The following ERC1 variants were observed in gnomAD, a reference collection of about 807,000 sequenced individuals.
ERC1 encodes RAB6 interacting protein 2.
In ERC1, 56 loss-of-function variants were observed where a neutral mutation model predicts 132.0. The observed-to-expected ratio is 0.42, with a 90% confidence interval of 0.34 to 0.53. ERC1 has a LOEUF of 0.53. Ranked by LOEUF, ERC1 falls within the 20% of genes least tolerant of loss-of-function variation. The pLI is 0.03. For synonymous variants in ERC1, 478 were observed against 476.1 expected, an observed-to-expected ratio of 1.00 and a Z score of -0.05; for missense variants, 1,202 against 1,349.9, an observed-to-expected ratio of 0.89 and a Z score of 1.72.
intron 1 of ERC1, among the ~76,000 whole-genome samples, chr12:998,121 C>T (rs1446223092): frequency 2.0e-5 from 3 of 152,166 alleles, no homozygotes; most frequent in African/African-American, 7.2e-5. Flanking sequence ...ATTTCTTCAC[C>T]TGTGACTTCT....
intron 8 of ERC1, among the ~76,000 whole-genome samples, chr12:1,145,201 G>C (rs1218315237): frequency 6.6e-6 from 1 of 151,970 alleles, no homozygotes; most frequent in Non-Finnish European, 1.5e-5. Flanking sequence ...ATTTTTAGTC[G>C]AGACGGGGTT....
At chr12:1,250,751 G>A (rs2076421981) in intron 13 of ERC1, among the ~76,000 whole-genome samples, 1 of 152,184 alleles carries the variant, frequency 6.6e-6, no homozygotes, top group Non-Finnish European at 1.5e-5. Context: ...AAGGCTGTAA[G>A]TTTTAGTCAC....
intron 18 of ERC1, among the ~76,000 whole-genome samples, chr12:1,449,461 C>T (rs181680082): frequency 2.4e-4 from 37 of 152,254 alleles, no homozygotes; most frequent in Admixed American, 4.6e-4. Flanking sequence ...TTGTTACCCA[C>T]CATGCTGTTC....
At chr12:1,076,489 G>A (rs867002682) in intron 2 of ERC1, among the ~76,000 whole-genome samples, 9 of 149,740 alleles carry the variant, frequency 6.0e-5, no homozygotes, top group Non-Finnish European at 1.2e-4. Flanking sequence ...CTGCCTCCCC[G>A]GTTCTAGCAA....
intron 18 of ERC1, among the ~76,000 whole-genome samples, chr12:1,450,797 G>T (rs551118152): frequency 6.6e-6 from 1 of 152,100 alleles, no homozygotes; most frequent in Non-Finnish European, 1.5e-5. Flanking sequence ...TCCATATCCC[G>T]GCCAACACTT....
chr12:1,265,308 A>G (rs990504262), intron 14 of ERC1, among the ~76,000 whole-genome samples: 13 of 150,984 alleles, frequency 8.6e-5, no homozygotes, highest in African/African-American at 3.2e-4. Context: ...GATTTTGGCA[A>G]TTAATAATCA....
At chr12:1,037,491 T>C (rs967297683) in intron 2 of ERC1, among the ~76,000 whole-genome samples, 1 of 152,198 alleles carries the variant, frequency 6.6e-6, no homozygotes, top group Non-Finnish European at 1.5e-5. Context: ...CCATCTGTTA[T>C]GAGTGCACTG....
chr12:1,489,722 T>C (rs1277003810), intron 18 of ERC1, among the ~76,000 whole-genome samples: 1 of 152,194 alleles, frequency 6.6e-6, no homozygotes, highest in Non-Finnish European at 1.5e-5. Context: ...TAAGTTCCCT[T>C]AGGGCGAGGG....
At chr12:1,441,967 G>A (rs866430195) in intron 17 of ERC1, among the ~76,000 whole-genome samples, 5 of 152,242 alleles carry the variant, frequency 3.3e-5, no homozygotes, top group East Asian at 3.9e-4. Context: ...TCACTCTGTC[G>A]CCCTGGCTGG....
Position 996,441 on chromosome 12 carries a change from G to A in ERC1, c.-157+5119G>A, listed in dbSNP as rs192835049. ...GATTTTTAAGAAATATTTCAGCCAG[G>A]CACAGTGTCACATGCCTGTAGTTCC... On this transcript the variant is annotated intron_variant, in intron 1 of 18. Coordinates refer to ENST00000360905, the MANE Select transcript of ERC1 (RefSeq NM_178040.4). 2.7e-3 allele frequency among the ~76,000 whole-genome samples: 413 copies of A among 151,790 alleles called. 1 individual carries two copies. The highest frequency in any genetic ancestry group is 9.5e-3 in the African/African-American group (394 of 41,402).
intron 18 of ERC1, among the ~76,000 whole-genome samples, chr12:1,466,914 A>G (rs2093754618): frequency 6.6e-6 from 1 of 152,198 alleles, no homozygotes; most frequent in South Asian, 2.1e-4. Flanking sequence ...ACCTCTTTTT[A>G]TACAAAAGAC....
chr12:1,434,882 A>G (rs889556444), intron 17 of ERC1, among the ~76,000 whole-genome samples: 1 of 152,174 alleles, frequency 6.6e-6, no homozygotes, highest in African/African-American at 2.4e-5. Flanking sequence ...AGCGTCCACA[A>G]CTATGAATAT....
intron 15 of ERC1, among the ~76,000 whole-genome samples, chr12:1,338,484 C>T (rs1368403341): frequency 6.6e-6 from 1 of 152,168 alleles, no homozygotes; most frequent in African/African-American, 2.4e-5. Context: ...TCAGCATACT[C>T]CTGCATCTCA....
chr12:1,397,306 GA>G (rs1324185440), intron 16 of ERC1, among the ~76,000 whole-genome samples: 1 of 152,312 alleles, frequency 6.6e-6, no homozygotes, highest in South Asian at 2.1e-4. Context: ...TTTACTTCTA[GA>G]AATTGGTCCC....
At chr12:1,450,050 T>G (rs2093391656) in intron 18 of ERC1, among the ~76,000 whole-genome samples, 1 of 152,192 alleles carries the variant, frequency 6.6e-6, no homozygotes, top group African/African-American at 2.4e-5. Context: ...TCTATTTCCT[T>G]TGTCTCAAAC....
At chr12:1,418,661 C>T (rs1283264994) in intron 17 of ERC1, among the ~76,000 whole-genome samples, 19 of 100,706 alleles carry the variant, frequency 1.9e-4, no homozygotes, top group African/African-American at 9.6e-4. Flanking sequence ...CTCTCTCTCT[C>T]TTTCTTTTCT....
At chr12:1,160,237 G>T (rs184619462) in intron 8 of ERC1, among the ~76,000 whole-genome samples, 1 of 152,240 alleles carries the variant, frequency 6.6e-6, no homozygotes, top group Non-Finnish European at 1.5e-5. Flanking sequence ...ACAATAAAAT[G>T]TTGAACAAGC....
Position 1,492,513 on chromosome 12 carries a change from C to G in ERC1, c.*2283C>G, listed in dbSNP as rs1323051782. 4 of 233,174 alleles carry G rather than the reference C, an allele frequency of 1.7e-5. No homozygotes were observed. Among genetic ancestry groups the G allele is most frequent in the Non-Finnish European group, 2.5e-5 (3 of 118,070 alleles). The allele number at this position is 233,174 out of a possible 1,614,324, so 14.4% of individuals were successfully genotyped here. A position where few individuals can be genotyped will look rare whatever the true frequency, so the allele number is the denominator to read the frequency against. ...CCCAGATCCCACCCACGTGGACTTTCTCATCAGGTGCAGCGCCTGCCACTC... is the reference window on the plus strand; with the variant it reads ...CCCAGATCCCACCCACGTGGACTTTGTCATCAGGTGCAGCGCCTGCCACTC... On this transcript the variant is annotated 3_prime_UTR_variant, in exon 19 of 19. Coordinates refer to ENST00000360905, the MANE Select transcript of ERC1 (RefSeq NM_178040.4).
At chr12:1,000,241 T>G (rs1365333866) in intron 1 of ERC1, among the ~76,000 whole-genome samples, 1 of 152,084 alleles carries the variant, frequency 6.6e-6, no homozygotes, top group Non-Finnish European at 1.5e-5. Context: ...TCCTAGCACT[T>G]TGGCAGACTG....
Sources: allele counts gnomAD v4.1 joint callset (sites outside exome capture counted in the v4.1 genomes callset), GRCh38; gene constraint gnomAD v4.1.1; transcripts MANE v1.5; gene names NCBI Gene and HGNC (gene_info 2026-07-23, HGNC 2026-07-21).